The following SDK1 variants were observed in gnomAD, a reference collection of about 807,000 sequenced individuals.
SDK1 encodes the protein sidekick cell adhesion molecule 1, also known as protein sidekick-1.
In SDK1, 157 loss-of-function variants were observed where a neutral mutation model predicts 245.5. The observed-to-expected ratio is 0.64, with a 90% CI of 0.56 to 0.73. The LOEUF is 0.73. Ranked by LOEUF, SDK1 falls within the 30% of genes least tolerant of loss-of-function variation. SDK1 has a pLI of 0.00. For missense variants in SDK1, 3,583 were observed against 3,002.3 expected (o/e 1.19, Z -4.52); for synonymous variants, 1,647 against 1,278.5 (o/e 1.29, Z -6.15).
chr7:3,513,001 G>A (rs1033472192), intron 1 of SDK1, among the ~76,000 whole-genome samples: 3 of 152,104 alleles, frequency 2.0e-5, no homozygotes, highest in Non-Finnish European at 2.9e-5. Context: ...CCTCCCCTGT[G>A]TTTTGTGTTG....
chr7:3,452,589 T>C (rs1237626671), intron 1 of SDK1, among the ~76,000 whole-genome samples: 1 of 152,194 alleles, frequency 6.6e-6, no homozygotes, highest in Non-Finnish European at 1.5e-5. Flanking sequence ...ACTTTCATAC[T>C]AATATAAGGC....
intron 7 of SDK1, among the ~76,000 whole-genome samples, chr7:3,957,855 C>T (rs1199872945): frequency 2.0e-5 from 3 of 152,214 alleles, no homozygotes; most frequent in Admixed American, 6.5e-5. Context: ...CTGCTTCCTT[C>T]TAATGAATTT....
At chr7:4,127,953 C>A (rs180698430) in intron 26 of SDK1, among the ~76,000 whole-genome samples, 3 of 152,300 alleles carry the variant, frequency 2.0e-5, no homozygotes, top group African/African-American at 7.2e-5. Context: ...TCGCTGTGTG[C>A]ATGTTTCTAT....
intron 1 of SDK1, among the ~76,000 whole-genome samples, chr7:3,594,064 C>G (rs779094131): frequency 1.3e-5 from 2 of 152,094 alleles, no homozygotes; most frequent in Non-Finnish European, 2.9e-5. Context: ...AGAACATCCC[C>G]AAAAGAAACC....
intron 4 of SDK1, among the ~76,000 whole-genome samples, chr7:3,751,885 G>A (rs368873751): frequency 1.3e-5 from 2 of 152,056 alleles, no homozygotes; most frequent in South Asian, 2.1e-4. Flanking sequence ...TTCTCATTCC[G>A]TGATGAAATT....
intron 1 of SDK1, among the ~76,000 whole-genome samples, chr7:3,522,194 A>G (rs1030379170): frequency 6.6e-6 from 1 of 152,144 alleles, no homozygotes; most frequent in Non-Finnish European, 1.5e-5. Flanking sequence ...AGAATGATGC[A>G]TCTTTCTCCT....
chr7:4,122,713 G>A (rs540784534), intron 25 of SDK1, among the ~76,000 whole-genome samples: 2 of 152,270 alleles, frequency 1.3e-5, no homozygotes, highest in East Asian at 3.9e-4. Context: ...AGAAAAAAAT[G>A]AAGGAGAAAA....
intron 20 of SDK1, among the ~76,000 whole-genome samples, chr7:4,071,118 C>G (rs570881675): frequency 6.6e-6 from 1 of 152,122 alleles, no homozygotes; most frequent in South Asian, 2.1e-4. Flanking sequence ...ATCCGCCTCC[C>G]GGTTCAAATG....
chr7:3,684,145 C>T (rs1259656558), intron 4 of SDK1, among the ~76,000 whole-genome samples: 1 of 152,234 alleles, frequency 6.6e-6, no homozygotes, highest in Non-Finnish European at 1.5e-5. Context: ...ACACTGATCC[C>T]TGCAACCCGT....
intron 17 of SDK1, among the ~76,000 whole-genome samples, chr7:4,030,417 A>C (rs1787711480): frequency 6.6e-6 from 1 of 152,198 alleles, no homozygotes; most frequent in African/African-American, 2.4e-5. Context: ...ACCCTGCACG[A>C]GTTGACGTAA....
intron 1 of SDK1, among the ~76,000 whole-genome samples, chr7:3,322,174 C>A (rs1779832864): frequency 6.6e-6 from 1 of 152,040 alleles, no homozygotes; most frequent in Admixed American, 6.5e-5. Context: ...TTAAGCAGCC[C>A]CTAATGACCA....
At chr7:3,633,717 A>C (rs564446975) in intron 2 of SDK1, among the ~76,000 whole-genome samples, 11 of 152,212 alleles carry the variant, frequency 7.2e-5, no homozygotes, top group Non-Finnish European at 1.5e-4. Context: ...TATTTTGGCT[A>C]TGTTCTAGGG....
chr7:4,153,977 G>A (rs1363268923), intron 30 of SDK1, among the ~76,000 whole-genome samples: 1 of 151,998 alleles, frequency 6.6e-6, no homozygotes, highest in African/African-American at 2.4e-5. Flanking sequence ...TAACATGCCC[G>A]GCCAATAGTG....
chr7:4,218,415 T>C (rs1784957234), intron 38 of SDK1, among the ~76,000 whole-genome samples: 2 of 151,888 alleles, frequency 1.3e-5, no homozygotes. Context: ...CCAAAATTGC[T>C]CTGAAATAAT....
At chr7:3,975,512 G>T (rs555515068) in intron 13 of SDK1, among the ~76,000 whole-genome samples, 1 of 152,178 alleles carries the variant, frequency 6.6e-6, no homozygotes. Context: ...TATAGGAGCC[G>T]TGACTCATTG....
At chr7:3,823,359 G>T (rs1238269498) in intron 5 of SDK1, among the ~76,000 whole-genome samples, 1 of 152,034 alleles carries the variant, frequency 6.6e-6, no homozygotes, top group Non-Finnish European at 1.5e-5. Flanking sequence ...AGTCAAAGGG[G>T]GTGAAATTCT....
At chr7:3,588,032 T>A (rs1780747017) in intron 1 of SDK1, among the ~76,000 whole-genome samples, 1 of 152,246 alleles carries the variant, frequency 6.6e-6, no homozygotes. Flanking sequence ...TGAATCTTAT[T>A]TCAAATGTAG....
At chr7:3,706,868 C>G (rs1238476688) in intron 4 of SDK1, among the ~76,000 whole-genome samples, 1 of 152,160 alleles carries the variant, frequency 6.6e-6, no homozygotes, top group Admixed American at 6.5e-5. Flanking sequence ...ATAGTAGTAT[C>G]AAATGATCTT....
intron 1 of SDK1, among the ~76,000 whole-genome samples, chr7:3,404,269 C>T (rs1193473257): frequency 6.6e-6 from 1 of 152,088 alleles, no homozygotes; most frequent in African/African-American, 2.4e-5. Flanking sequence ...TGCAGTAAGA[C>T]AAGGTGTGCC....
Sources: gnomAD v4.1 joint callset for allele counts (sites outside exome capture counted in the v4.1 genomes callset) on GRCh38, gnomAD v4.1.1 for gene constraint, MANE v1.5 for transcripts, NCBI Gene and HGNC (gene_info 2026-07-23, HGNC 2026-07-21) for gene names.